The following CDH18 variants were observed in gnomAD, a reference collection of about 807,000 sequenced individuals.
CDH18 encodes cadherin 18.
Under a neutral mutation model 67.9 loss-of-function variants are expected in CDH18, and 31 were observed. The ratio of observed to expected loss-of-function variants is 0.46; its 90% CI spans 0.34 to 0.62. CDH18 has a LOEUF of 0.62. Ranked by LOEUF, CDH18 falls within the 20% of genes least tolerant of loss-of-function variation. The probability of loss-of-function intolerance (pLI) is 0.01; values close to 1 mark genes in which losing one functional copy is unlikely to be tolerated. For synonymous variants in CDH18, 362 were observed against 347.2 expected (o/e 1.04, Z -0.48); for missense variants, 890 against 975.5 (o/e 0.91, Z 1.17).
chr5:19,756,439 A>G (rs995546348), intron 3 of CDH18, among the ~76,000 whole-genome samples: 1 of 152,172 alleles, frequency 6.6e-6, no homozygotes, highest in Non-Finnish European at 1.5e-5. Flanking sequence ...GCAGGTCATG[A>G]TATTTTCCTG....
At chr5:20,422,036 T>C (rs1285197500) in intron 1 of CDH18, among the ~76,000 whole-genome samples, 4 of 151,048 alleles carry the variant, frequency 2.6e-5, no homozygotes, top group Admixed American at 6.6e-5. Flanking sequence ...TTTATAGTAA[T>C]GACACATCAG....
At chr5:19,768,682 C>T (rs973742506) in intron 3 of CDH18, among the ~76,000 whole-genome samples, 2 of 151,950 alleles carry the variant, frequency 1.3e-5, no homozygotes, top group African/African-American at 4.8e-5. Flanking sequence ...GCAAATACAA[C>T]CAGAAATAAA....
At chr5:19,847,176 T>C (rs1290236152) in intron 2 of CDH18, among the ~76,000 whole-genome samples, 1 of 152,118 alleles carries the variant, frequency 6.6e-6, no homozygotes, top group Non-Finnish European at 1.5e-5. Flanking sequence ...CCCTTTCCAA[T>C]GTTTTGGAAG....
Position 19,613,092 on chromosome 5 carries a change from C to T in CDH18, c.644-491G>A, listed in dbSNP as rs551534434. Among the ~76,000 whole-genome samples the T allele has an allele frequency of 5.9e-5, 9 of 152,162 alleles. No homozygotes were observed. The South Asian group carries it at 6.2e-4, about 11-fold the overall frequency. ...CCCAGAAGACGGAGGTTGCAGTGAG[C>T]GGAGATCACGCCACTGCACTCCAGC... On this transcript the variant is annotated intron_variant, in intron 5 of 12. Coordinates refer to ENST00000382275, the MANE Select transcript of CDH18 (RefSeq NM_004934.5).
At chr5:20,146,122 A>T (rs183758508) in intron 2 of CDH18, among the ~76,000 whole-genome samples, 1 of 152,160 alleles carries the variant, frequency 6.6e-6, no homozygotes, top group African/African-American at 2.4e-5. Context: ...TCAGATCTTC[A>T]CATGGCCGGC....
intron 2 of CDH18, among the ~76,000 whole-genome samples, chr5:19,930,298 C>T (rs1793538775): frequency 6.6e-6 from 1 of 151,846 alleles, no homozygotes; most frequent in Non-Finnish European, 1.5e-5. Flanking sequence ...TGCCTCTGGA[C>T]TGTGTTAAAA....
chr5:19,548,604 T>C (rs1295080037), intron 8 of CDH18, among the ~76,000 whole-genome samples: 1 of 151,970 alleles, frequency 6.6e-6, no homozygotes, highest in Admixed American at 6.6e-5. Context: ...TAAACACTCA[T>C]AACAGCTGCA....
At chr5:20,139,392 G>T (rs1297730012) in intron 2 of CDH18, among the ~76,000 whole-genome samples, 2 of 152,150 alleles carry the variant, frequency 1.3e-5, no homozygotes, top group Non-Finnish European at 2.9e-5. Context: ...ATTCCATTCA[G>T]GACATAGGCA....
chr5:20,480,588 T>C (rs1752730504), intron 1 of CDH18, among the ~76,000 whole-genome samples: 2 of 152,048 alleles, frequency 1.3e-5, no homozygotes. Context: ...TGGCTAAGTT[T>C]TGTATTAGTA....
intron 11 of CDH18, chr5:19,502,700 A>T (rs1689696): frequency 5.9e-4 from 284 of 478,260 alleles, no homozygotes; most frequent in African/African-American, 5.2e-3. Context: ...CAGTGGCAGC[A>T]GCTCTCATAA....
At chr5:19,689,040 T>C (rs997071834) in intron 5 of CDH18, among the ~76,000 whole-genome samples, 11 of 151,966 alleles carry the variant, frequency 7.2e-5, no homozygotes, top group Non-Finnish European at 1.0e-4. Context: ...TAGAACATCA[T>C]AAAGCAATAA....
intron 2 of CDH18, among the ~76,000 whole-genome samples, chr5:19,927,438 T>A (rs1229686050): frequency 6.6e-6 from 1 of 152,142 alleles, no homozygotes; most frequent in Non-Finnish European, 1.5e-5. Flanking sequence ...CATCAGAAAT[T>A]GATCTCAAAA....
chr5:19,475,993 A>C (rs939844058), intron 12 of CDH18, among the ~76,000 whole-genome samples: 4 of 152,062 alleles, frequency 2.6e-5, no homozygotes, highest in Non-Finnish European at 4.4e-5. Context: ...TATATGGACT[A>C]GTTTTATCTG....
At chr5:19,661,433 C>T (rs1010245262) in intron 5 of CDH18, among the ~76,000 whole-genome samples, 4 of 151,742 alleles carry the variant, frequency 2.6e-5, no homozygotes, top group African/African-American at 9.7e-5. Context: ...ATAAATGATA[C>T]TTGATAGAAC....
chr5:20,564,609 C>A (rs2126655393), intron 1 of CDH18, among the ~76,000 whole-genome samples: 1 of 152,212 alleles, frequency 6.6e-6, no homozygotes, highest in Non-Finnish European at 1.5e-5. Flanking sequence ...TCAGGTTTAG[C>A]AATGAACAAG....
Position 19,591,046 on chromosome 5 carries a change from GTTC to G in CDH18, c.999+8_999+10del. On this transcript the variant is annotated splice_region_variant and intron_variant, in intron 7 of 12. Coordinates refer to ENST00000382275, the MANE Select transcript of CDH18 (RefSeq NM_004934.5). ...GAGTTGCCTGAATCACAAAAAGTATGTTCTTTTTACCTTCTTTAAAGAAAGGAT... is the reference window on the plus strand; with the variant it reads ...GAGTTGCCTGAATCACAAAAAGTATGTTTTTACCTTCTTTAAAGAAAGGAT... 1 of 1,525,764 alleles carries G rather than the reference GTTC, an allele frequency of 6.6e-7. No individual in the cohort carries two copies. Among genetic ancestry groups the G allele is most frequent in the Non-Finnish European group, 8.9e-7 (1 of 1,127,940 alleles). The allele number at this position is 1,525,764 out of a possible 1,614,324, so 94.5% of individuals were successfully genotyped here.
intron 2 of CDH18, among the ~76,000 whole-genome samples, chr5:19,923,585 C>T (rs1402610327): frequency 6.6e-6 from 1 of 152,090 alleles, no homozygotes; most frequent in East Asian, 1.9e-4. Flanking sequence ...ACTCTGGCAT[C>T]TAATTAAAAT....
intron 3 of CDH18, among the ~76,000 whole-genome samples, chr5:19,792,436 A>G (rs1776460221): frequency 6.6e-6 from 1 of 152,088 alleles, no homozygotes; most frequent in African/African-American, 2.4e-5. Context: ...CCTTCAGACT[A>G]GGTTTAAATG....
intron 3 of CDH18, among the ~76,000 whole-genome samples, chr5:19,814,904 T>C (rs1779127100): frequency 6.6e-6 from 1 of 151,380 alleles, no homozygotes; most frequent in East Asian, 1.9e-4. Context: ...ATTAGTATGT[T>C]TGTATGATAA....
Sources: gnomAD v4.1 joint callset for allele counts (sites outside exome capture counted in the v4.1 genomes callset) on GRCh38, gnomAD v4.1.1 for gene constraint, MANE v1.5 for transcripts, NCBI Gene and HGNC (gene_info 2026-07-23, HGNC 2026-07-21) for gene names.